The following ZNF804B variants were observed in gnomAD, a reference collection of about 807,000 sequenced individuals.
The protein encoded by ZNF804B is zinc finger protein 804B.
In ZNF804B, 80 loss-of-function variants were observed where a neutral mutation model predicts 101.4. That is an observed-to-expected ratio of 0.79 (90% CI 0.66 to 0.95). The LOEUF (loss-of-function observed/expected upper bound fraction) is 0.95, where lower values mean the gene tolerates loss of function less well. Ranked by LOEUF, ZNF804B falls within the 40% of genes least tolerant of loss-of-function variation. ZNF804B has a pLI of 0.00. For missense variants in ZNF804B, 1,673 were observed against 1,561.9 expected, an observed-to-expected ratio of 1.07 and a Z score of -1.20; for synonymous variants, 622 against 558.8, an observed-to-expected ratio of 1.11 and a Z score of -1.59.
chr7:89,233,900 A>G (rs1348621435), intron 2 of ZNF804B, among the ~76,000 whole-genome samples: 1 of 152,196 alleles, frequency 6.6e-6, no homozygotes, highest in Admixed American at 6.5e-5. Context: ...CTGGGATCAC[A>G]TGTGTGGCCA....
intron 1 of ZNF804B, among the ~76,000 whole-genome samples, chr7:89,153,684 T>G (rs949595800): frequency 1.3e-5 from 2 of 152,102 alleles, no homozygotes; most frequent in African/African-American, 2.4e-5. Context: ...TGTGGAAAAG[T>G]AGAATCACTT....
chr7:89,328,555 G>A (rs1562946899), intron 3 of ZNF804B, among the ~76,000 whole-genome samples: 1 of 151,782 alleles, frequency 6.6e-6, no homozygotes, highest in Admixed American at 6.6e-5. Context: ...GCTTTCTACA[G>A]CCAACACAAT....
At chr7:89,183,522 TTCTC>T (rs1206642940) in intron 1 of ZNF804B, among the ~76,000 whole-genome samples, 1 of 152,194 alleles carries the variant, frequency 6.6e-6, no homozygotes, top group African/African-American at 2.4e-5. Context: ...TATTTGTTCT[TTCTC>T]TCAGGGAGAA....
intron 2 of ZNF804B, among the ~76,000 whole-genome samples, chr7:89,298,214 G>GTATA (rs1187893918): frequency 8.6e-3 from 502 of 58,530 alleles, no homozygotes; most frequent in African/African-American, 0.011. Flanking sequence ...GTGTGTGTGT[G>GTATA]TGTATATATA....
Position 89,023,826 on chromosome 7 carries a change from A to G in ZNF804B, c.109-194329A>G, listed in dbSNP as rs143069887. 5.2e-3 allele frequency among the ~76,000 whole-genome samples: 787 copies of G among 152,256 alleles called. 3 individuals are homozygous for G. The highest frequency in any genetic ancestry group is 0.018 in the African/African-American group (727 of 41,540). Reference sequence around the variant, plus strand: ...TCAGACCTGAGCTCATATGCCTAGGAGTTTTTGACTGAAGCACAACATCAC... The same window carrying G: ...TCAGACCTGAGCTCATATGCCTAGGGGTTTTTGACTGAAGCACAACATCAC... On this transcript the variant is annotated intron_variant, in intron 1 of 3. Coordinates refer to ENST00000333190, the MANE Select transcript of ZNF804B (RefSeq NM_181646.5).
intron 1 of ZNF804B, among the ~76,000 whole-genome samples, chr7:89,108,068 C>A (rs1790162093): frequency 6.6e-6 from 1 of 152,056 alleles, no homozygotes. Flanking sequence ...AGAAAGCAAT[C>A]ATGAAACATC....
At chr7:89,260,211 G>C (rs1181384096) in intron 2 of ZNF804B, among the ~76,000 whole-genome samples, 1 of 152,126 alleles carries the variant, frequency 6.6e-6, no homozygotes, top group African/African-American at 2.4e-5. Context: ...TCTGGGGTTA[G>C]CAGCTTTATA....
intron 2 of ZNF804B, among the ~76,000 whole-genome samples, chr7:89,312,149 T>A (rs1223408756): frequency 6.6e-6 from 1 of 152,134 alleles, no homozygotes; most frequent in African/African-American, 2.4e-5. Flanking sequence ...GTGACTCTAG[T>A]CCACTCTGAG....
intron 1 of ZNF804B, among the ~76,000 whole-genome samples, chr7:88,834,870 A>T (rs1007726899): frequency 2.0e-5 from 3 of 151,820 alleles, no homozygotes; most frequent in Non-Finnish European, 4.4e-5. Flanking sequence ...TAAAAGTATG[A>T]TGAAATACTC....
intron 1 of ZNF804B, among the ~76,000 whole-genome samples, chr7:88,951,827 A>G (rs576271591): frequency 6.6e-6 from 1 of 151,996 alleles, no homozygotes; most frequent in South Asian, 2.1e-4. Flanking sequence ...ATATTTCTGA[A>G]TAACTTCTAA....
At chr7:88,873,985 A>T (rs921185636) in intron 1 of ZNF804B, among the ~76,000 whole-genome samples, 1 of 152,126 alleles carries the variant, frequency 6.6e-6, no homozygotes, top group Non-Finnish European at 1.5e-5. Context: ...ACTTTAAAGT[A>T]GTTTTTTCCA....
chr7:88,966,085 A>T (rs532438226), intron 1 of ZNF804B, among the ~76,000 whole-genome samples: 4 of 151,496 alleles, frequency 2.6e-5, no homozygotes, highest in African/African-American at 9.7e-5. Flanking sequence ...AGAAGCTTTC[A>T]TAATTTTTTT....
At chr7:89,331,681 A>C (rs951548646) in intron 3 of ZNF804B, among the ~76,000 whole-genome samples, 6 of 151,700 alleles carry the variant, frequency 4.0e-5, no homozygotes, top group Admixed American at 2.6e-4. Context: ...CCATATGGTC[A>C]TAATTTGTAA....
At chr7:89,232,397 T>G (rs1789206614) in intron 2 of ZNF804B, among the ~76,000 whole-genome samples, 1 of 152,184 alleles carries the variant, frequency 6.6e-6, no homozygotes. Context: ...TCTTGAGATA[T>G]GTGTGTGGCT....
chr7:88,957,600 G>T (rs1409003083), intron 1 of ZNF804B, among the ~76,000 whole-genome samples: 3 of 151,272 alleles, frequency 2.0e-5, no homozygotes, highest in African/African-American at 7.3e-5. Flanking sequence ...TATGAAAGAA[G>T]ATTGTGACTG....
intron 1 of ZNF804B, among the ~76,000 whole-genome samples, chr7:89,205,485 A>C (rs536929802): frequency 1.3e-5 from 2 of 152,362 alleles, no homozygotes; most frequent in South Asian, 4.1e-4. Flanking sequence ...GGCAATGGTT[A>C]AATACATTCA....
intron 1 of ZNF804B, among the ~76,000 whole-genome samples, chr7:89,019,572 G>A (rs1764936483): frequency 6.6e-6 from 1 of 151,976 alleles, no homozygotes; most frequent in Admixed American, 6.6e-5. Context: ...TCTGAAAGTT[G>A]TGGGTGGGTT....
chr7:88,830,885 C>T (rs890088356), intron 1 of ZNF804B, among the ~76,000 whole-genome samples: 2 of 151,782 alleles, frequency 1.3e-5, no homozygotes, highest in Admixed American at 6.6e-5. Flanking sequence ...ATTATTTGTT[C>T]ATGTATTTGC....
chr7:89,059,035 A>G (rs2116278470), intron 1 of ZNF804B, among the ~76,000 whole-genome samples: 1 of 152,276 alleles, frequency 6.6e-6, no homozygotes. Context: ...CTTTTGGTCA[A>G]ATTCATTTGC....
Sources: allele counts gnomAD v4.1 joint callset (sites outside exome capture counted in the v4.1 genomes callset), GRCh38; gene constraint gnomAD v4.1.1; transcripts MANE v1.5; gene names NCBI Gene and HGNC (gene_info 2026-07-23, HGNC 2026-07-21).